TASP1: variants seen among roughly 807,000 people sequenced by gnomAD.
TASP1 encodes the protein taspase 1, also known as threonine aspartase 1.
In TASP1, 16 loss-of-function variants were observed where a neutral mutation model predicts 56.6. The observed-to-expected ratio is 0.28, with a 90% CI of 0.19 to 0.43. The LOEUF is 0.43. TASP1 is among the 20% of genes least tolerant of loss of function. TASP1 has a pLI of 1.00. For synonymous variants in TASP1, 179 were observed against 184.2 expected (o/e 0.97, Z 0.23); for missense variants, 393 against 511.6 (o/e 0.77, Z 2.24).
intron 4 of TASP1, among the ~76,000 whole-genome samples, chr20:13,597,234 G>T (rs1217416456): frequency 6.6e-6 from 1 of 152,154 alleles, no homozygotes; most frequent in East Asian, 1.9e-4. Flanking sequence ...AACAGAAGAA[G>T]AGGATTTTAG....
the TASP1 span, among the ~76,000 whole-genome samples, chr20:13,209,862 T>G: frequency 2.0e-5 from 3 of 152,186 alleles, no homozygotes; most frequent in African/African-American, 7.2e-5. Flanking sequence ...TATTTCTGTT[T>G]ATTGAAGTAC....
chr20:13,606,967 A>C (rs2048184070), intron 4 of TASP1, among the ~76,000 whole-genome samples: 2 of 152,190 alleles, frequency 1.3e-5, no homozygotes, highest in African/African-American at 4.8e-5. Context: ...ATTGTGAGCT[A>C]TAACCCCTTA....
In TASP1 at chr20:13,594,515, G is replaced by A. The variant is rs1323436211; in HGVS notation, c.283-7145C>T. ...CAAATGGCTAACTAGAATAAACAGT[G>A]TAGAAAAGACCTTAAATGACCTGAT... On this transcript the variant is annotated intron_variant, in intron 4 of 13. Coordinates refer to ENST00000337743, the MANE Select transcript of TASP1 (RefSeq NM_017714.3). Among the ~76,000 whole-genome samples, 3 of 152,174 alleles carry A rather than the reference G, an allele frequency of 2.0e-5. No individual in the cohort carries two copies. In the East Asian group the frequency reaches 5.8e-4, roughly 29 times the overall value.
In TASP1 at chr20:13,473,498, A is replaced by G. The variant is rs191538963; in HGVS notation, c.985+9729T>C. ...ACTTAAAGTATAATAATAATAATAT[A>G]TCTTAAAAAAACTCTATTGCCAAAA... On this transcript the variant is annotated intron_variant, in intron 11 of 13. Transcript: ENST00000337743. 4.7e-3 allele frequency among the ~76,000 whole-genome samples: 723 copies of G among 152,250 alleles called. 4 individuals carry two copies. Among genetic ancestry groups the G allele is most frequent in the Non-Finnish European group, 7.7e-3 (525 of 68,004 alleles).
intron 11 of TASP1, among the ~76,000 whole-genome samples, chr20:13,474,235 C>T (rs752827662): frequency 7.9e-5 from 12 of 152,140 alleles, no homozygotes; most frequent in Non-Finnish European, 1.6e-4. Context: ...AACCTGTCAC[C>T]TGAGCGGTAT....
At chr20:13,380,829 G>A in the TASP1 span, among the ~76,000 whole-genome samples, 166 of 152,266 alleles carry the variant, frequency 1.1e-3, 2 homozygotes, top group African/African-American at 3.9e-3. Flanking sequence ...GCAGAGCTGC[G>A]GTGGACCCTG....
intron 10 of TASP1, among the ~76,000 whole-genome samples, chr20:13,492,351 G>C (rs2043564089): frequency 6.6e-6 from 1 of 152,160 alleles, no homozygotes; most frequent in African/African-American, 2.4e-5. Context: ...TGGTACTTCA[G>C]TTTCCAGTAT....
intron 6 of TASP1, among the ~76,000 whole-genome samples, chr20:13,573,047 A>C (rs1461077220): frequency 6.6e-6 from 1 of 152,246 alleles, no homozygotes; most frequent in Non-Finnish European, 1.5e-5. Context: ...CTTCATAAAT[A>C]CAAAAAACTG....
chr20:13,201,406 G>A, the TASP1 span, among the ~76,000 whole-genome samples: 1 of 151,698 alleles, frequency 6.6e-6, no homozygotes, highest in Non-Finnish European at 1.5e-5. Flanking sequence ...GGGGAAGGGA[G>A]GGGAGAAATT....
At chr20:13,467,863 A>G (rs969694145) in intron 11 of TASP1, among the ~76,000 whole-genome samples, 2 of 152,040 alleles carry the variant, frequency 1.3e-5, no homozygotes, top group Non-Finnish European at 2.9e-5. Flanking sequence ...CTAAAAATAC[A>G]AAGTTAGCCA....
the TASP1 span, among the ~76,000 whole-genome samples, chr20:13,109,255 C>A: frequency 6.6e-6 from 1 of 152,188 alleles, no homozygotes; most frequent in Non-Finnish European, 1.5e-5. Flanking sequence ...AGACATTCAT[C>A]CTCCCTTGTT....
rs145691682 is a variant in TASP1, at chr20:13,562,627, A to G, written c.569-3513T>C. Among the ~76,000 whole-genome samples, 1,355 of 152,200 alleles carry G rather than the reference A, an allele frequency of 8.9e-3. 21 individuals carry two copies. The highest frequency in any genetic ancestry group is 0.03 in the African/African-American group (1,252 of 41,530). On this transcript the variant is annotated intron_variant, in intron 7 of 13. Coordinates refer to ENST00000337743, the MANE Select transcript of TASP1 (RefSeq NM_017714.3). ...CACAGTGGCTCATGCCTGTAATCCC[A>G]GCACTTTGGGAAACCAATGTGGGTG...
chr20:13,457,770 C>T (rs2043900428), intron 11 of TASP1, among the ~76,000 whole-genome samples: 1 of 152,118 alleles, frequency 6.6e-6, no homozygotes, highest in Non-Finnish European at 1.5e-5. Context: ...CAGACATTCA[C>T]AATCTAATAG....
chr20:13,160,181 C>G, the TASP1 span: 1 of 1,548,628 alleles, frequency 6.5e-7, no homozygotes, highest in Non-Finnish European at 8.8e-7. Flanking sequence ...ACCTTGGATT[C>G]AAAGCAAGTC....
At chr20:13,561,556 A>G (rs1380927491) in intron 7 of TASP1, among the ~76,000 whole-genome samples, 1 of 152,064 alleles carries the variant, frequency 6.6e-6, no homozygotes, top group Non-Finnish European at 1.5e-5. Context: ...TAGTAAAGAC[A>G]GGGTTTCACC....
the TASP1 span, among the ~76,000 whole-genome samples, chr20:13,342,899 T>C: frequency 6.6e-6 from 1 of 152,032 alleles, no homozygotes; most frequent in Non-Finnish European, 1.5e-5. Context: ...AAAAACCCAC[T>C]GTGGGCCAGG....
At chr20:13,124,020 A>G in the TASP1 span, among the ~76,000 whole-genome samples, 108,002 of 152,064 alleles carry the variant, frequency 0.71, 38,679 homozygotes, top group African/African-American at 0.79. Flanking sequence ...TCTTTGAGGC[A>G]CCTCAGATAC....
At chr20:13,623,544 T>G in intron 3 of TASP1, 30 bp from the exon 4 acceptor site, 1 of 1,462,236 alleles carries the variant, frequency 6.8e-7, no homozygotes, top group Non-Finnish European at 9.5e-7. Context: ...GATTATTCAT[T>G]GCAAAATCAC....
chr20:13,354,613 T>G, the TASP1 span, among the ~76,000 whole-genome samples: 4 of 152,206 alleles, frequency 2.6e-5, no homozygotes, highest in Non-Finnish European at 5.9e-5. Context: ...ATGTGATCTT[T>G]CTTAGGAAAC....
Sources: allele counts gnomAD v4.1 joint callset (sites outside exome capture counted in the v4.1 genomes callset), GRCh38; gene constraint gnomAD v4.1.1; transcripts MANE v1.5; gene names NCBI Gene and HGNC (gene_info 2026-07-23, HGNC 2026-07-21).